ZNF565: variants seen among roughly 807,000 people sequenced by gnomAD.
ZNF565 encodes zinc finger protein 565.
Under a neutral mutation model 39.4 loss-of-function variants are expected in ZNF565, and 27 were observed. The ratio of observed to expected loss-of-function variants is 0.69; its 90% CI spans 0.51 to 0.95. ZNF565 has a LOEUF of 0.95. ZNF565 is among the 40% of genes least tolerant of loss of function. The probability of loss-of-function intolerance (pLI) is 0.00; values close to 1 mark genes in which losing one functional copy is unlikely to be tolerated. For missense variants in ZNF565, 524 were observed against 621.1 expected (o/e 0.84, Z 1.66); for synonymous variants, 185 against 216.6 (o/e 0.85, Z 1.28).
chr19:36,241,444 G>T (rs959180191), intron 1 of ZNF565, among the ~76,000 whole-genome samples: 1 of 137,178 alleles, frequency 7.3e-6, no homozygotes, highest in Non-Finnish European at 1.5e-5. Context: ...AGATCGTGCC[G>T]TTGAACTCCG....
In ZNF565 at chr19:36,188,336, C is replaced by T. The variant is rs1486402856; in HGVS notation, c.233-4603G>A. On this transcript the variant is annotated intron_variant, in intron 4 of 4. Transcript: ENST00000304116. ...CGCCACTGCACTCCAGCCTGGGCGA[C>T]AAAGTGAGACTCAAGGGCTTCAAGG... Among the ~76,000 whole-genome samples, 9 of 149,676 alleles carry T rather than the reference C, an allele frequency of 6.0e-5. No homozygotes were observed. The Admixed American group carries it at 6.0e-4, about 10-fold the overall frequency.
Position 36,208,944 on chromosome 19 carries a change from T to C in ZNF565, c.-66+5678A>G, listed in dbSNP as rs543921501. 1.2e-4 allele frequency among the ~76,000 whole-genome samples: 19 copies of C among 152,280 alleles called. No homozygotes were observed. The South Asian group carries it at 3.5e-3, about 28-fold the overall frequency. ...ACCTCCCAGACTCAAGAGATTCTCC[T>C]ACCTCAGCCTCCCAAATAGCTGGGA... is the stretch of plus-strand genomic sequence containing the variant. On this transcript the variant is annotated intron_variant, in intron 1 of 4. Transcript: ENST00000304116.
chr19:36,206,275 A>G (rs1001681605), intron 1 of ZNF565, among the ~76,000 whole-genome samples: 9 of 151,870 alleles, frequency 5.9e-5, no homozygotes, highest in Admixed American at 5.3e-4. Context: ...CTCACATCCT[A>G]TGGGAAGAGA....
chr19:36,186,852 TA>T (rs1431266979), intron 4 of ZNF565, among the ~76,000 whole-genome samples: 2 of 151,844 alleles, frequency 1.3e-5, no homozygotes, highest in Non-Finnish European at 2.9e-5. Flanking sequence ...TGCACAGTAG[TA>T]ACAAGTAACA....
intron 1 of ZNF565, among the ~76,000 whole-genome samples, chr19:36,208,139 T>C (rs372091189): frequency 7.2e-5 from 11 of 152,032 alleles, no homozygotes; most frequent in African/African-American, 2.7e-4. Flanking sequence ...CAGCTCTATA[T>C]GTCTCAAAGG....
At chr19:36,197,214 G>A (rs1027462480) in intron 2 of ZNF565, among the ~76,000 whole-genome samples, 2 of 152,166 alleles carry the variant, frequency 1.3e-5, no homozygotes, top group Non-Finnish European at 2.9e-5. Context: ...AGAGGTTGCA[G>A]TGAGCTGAGA....
At position 36,185,739 on chromosome 19, in the gene ZNF565, CAG is replaced by C. The variant is rs1369627961; in HGVS notation, c.233-2008_233-2007del. Among the ~76,000 whole-genome samples, 512 of 129,262 alleles carry C rather than the reference CAG, an allele frequency of 4.0e-3. 2 individuals are homozygous for C. Among genetic ancestry groups the C allele is most frequent in the African/African-American group, 0.014 (475 of 34,124 alleles). 84.8% of individuals were successfully genotyped at this position (129,262 alleles called of 152,430 possible). ...CTATTTTTTTTTTTTTTTTTTGAGA[CAG>C]AGTCTTACTCTGTCCCCCAGGCGCT... On this transcript the variant is annotated intron_variant, in intron 4 of 4. Coordinates refer to ENST00000304116, the MANE Select transcript of ZNF565 (RefSeq NM_152477.5).
intron 1 of ZNF565, among the ~76,000 whole-genome samples, chr19:36,243,126 C>T (rs1468401748): frequency 6.6e-6 from 1 of 152,108 alleles, no homozygotes; most frequent in Non-Finnish European, 1.5e-5. Context: ...CTGTGCCTCC[C>T]GGGTTGAAGT....
intron 1 of ZNF565, among the ~76,000 whole-genome samples, chr19:36,232,071 T>A (rs1163805260): frequency 6.6e-6 from 1 of 151,762 alleles, no homozygotes; most frequent in Non-Finnish European, 1.5e-5. Context: ...GGCGTGGTGA[T>A]GCACACCTAT....
At chr19:36,222,656 G>T (rs1449116277) in intron 1 of ZNF565, among the ~76,000 whole-genome samples, 2 of 151,898 alleles carry the variant, frequency 1.3e-5, no homozygotes, top group East Asian at 3.9e-4. Context: ...TTAAAGGCCT[G>T]TATGTATTAA....
At chr19:36,212,599 G>A (rs1009860672) in intron 1 of ZNF565, among the ~76,000 whole-genome samples, 4 of 151,704 alleles carry the variant, frequency 2.6e-5, no homozygotes, top group African/African-American at 7.3e-5. Flanking sequence ...TCCAGCATGG[G>A]TGACAGAGCA....
chr19:36,221,672 G>A (rs1193045800), intron 1 of ZNF565, among the ~76,000 whole-genome samples: 1 of 152,102 alleles, frequency 6.6e-6, no homozygotes, highest in Admixed American at 6.6e-5. Flanking sequence ...CTATCTCACA[G>A]AGATATCTCA....
chr19:36,189,529 C>A (rs1405879026), intron 4 of ZNF565, among the ~76,000 whole-genome samples: 1 of 151,412 alleles, frequency 6.6e-6, no homozygotes, highest in Non-Finnish European at 1.5e-5. Context: ...ACCATGTTGG[C>A]CAGGCTGGCC....
At chr19:36,190,128 G>A (rs992989595) in intron 4 of ZNF565, among the ~76,000 whole-genome samples, 6 of 151,924 alleles carry the variant, frequency 3.9e-5, no homozygotes, top group South Asian at 2.1e-4. Flanking sequence ...CACCGCGCCC[G>A]TCCATACATT....
chr19:36,224,976 C>CCTGA (rs1977007519), intron 1 of ZNF565, among the ~76,000 whole-genome samples: 1 of 151,700 alleles, frequency 6.6e-6, no homozygotes, highest in Non-Finnish European at 1.5e-5. Flanking sequence ...TCCCTGCTTT[C>CCTGA]CTTAGTTATT....
At position 36,183,607 on chromosome 19, in the gene ZNF565, T is replaced by C. The variant is rs766045644; in HGVS notation, c.359A>G (p.Glu120Gly). The C allele has an allele frequency of 6.2e-7, 1 of 1,614,208 alleles. No homozygotes were observed. The highest frequency in any genetic ancestry group is 2.2e-5 in the East Asian group (1 of 44,888). Reference sequence around the variant, plus strand: ...TTGTCTCTCAAACTGGCCTTCGCATTCCCAGTCAGCTCTAAAATCGGAGCC... The same window carrying C: ...TTGTCTCTCAAACTGGCCTTCGCATCCCCAGTCAGCTCTAAAATCGGAGCC... ...LEGSDFRADWECEGQFERQVN... is the reference protein window; with the variant it reads ...LEGSDFRADWGCEGQFERQVN... The change falls in exon 5 of 5, where the codon GAA becomes GGA. Residue 120 changes from glutamate (E) to glycine (G), a missense_variant. Coordinates refer to ENST00000304116, the MANE Select transcript of ZNF565 (RefSeq NM_152477.5).
intron 2 of ZNF565, among the ~76,000 whole-genome samples, chr19:36,199,956 G>A (rs1268505202): frequency 6.6e-6 from 1 of 151,428 alleles, no homozygotes; most frequent in Non-Finnish European, 1.5e-5. Flanking sequence ...CACTGGGCCT[G>A]GCCAGAACTT....
At chr19:36,210,503 A>G (rs2145364065) in intron 1 of ZNF565, among the ~76,000 whole-genome samples, 1 of 152,108 alleles carries the variant, frequency 6.6e-6, no homozygotes, top group South Asian at 2.1e-4. Context: ...AATTGGAGAT[A>G]CTATATGAAC....
intron 4 of ZNF565, among the ~76,000 whole-genome samples, chr19:36,191,066 G>A (rs1975522156): frequency 6.8e-6 from 1 of 146,368 alleles, no homozygotes; most frequent in Non-Finnish European, 1.5e-5. Flanking sequence ...TTTAGGGTTT[G>A]TTGAACACAT....
Sources: gnomAD v4.1 joint callset for allele counts (sites outside exome capture counted in the v4.1 genomes callset) on GRCh38, gnomAD v4.1.1 for gene constraint, MANE v1.5 for transcripts, NCBI Gene and HGNC (gene_info 2026-07-23, HGNC 2026-07-21) for gene names.